The following CPO variants were observed in gnomAD, a reference collection of about 807,000 sequenced individuals.
CPO encodes the protein carboxypeptidase O, also known as metallocarboxypeptidase C.
Under a neutral mutation model 41.2 loss-of-function variants are expected in CPO, and 43 were observed. The observed-to-expected ratio is 1.04, with a 90% CI of 0.82 to 1.35. The LOEUF is 1.35. CPO is among the 40% of genes most tolerant of loss of function. CPO has a pLI of 0.00. For synonymous variants in CPO, 178 were observed against 162.7 expected (o/e 1.09, Z -0.72); for missense variants, 408 against 451.7 (o/e 0.90, Z 0.88).
intron 7 of CPO, among the ~76,000 whole-genome samples, chr2:206,963,887 C>A (rs1693524006): frequency 6.6e-6 from 1 of 152,178 alleles, no homozygotes; most frequent in South Asian, 2.1e-4. Flanking sequence ...CATGGCAATT[C>A]TATTTTTAAT....
rs1213712814 is a variant in CPO, at chr2:206,962,491, T to A, written c.654T>A (p.Val218=). The A allele has an allele frequency of 6.2e-7, 1 of 1,614,086 alleles. No homozygotes were observed. Among genetic ancestry groups the A allele is most frequent in the Non-Finnish European group, 8.5e-7 (1 of 1,179,916 alleles). Residue 218 remains valine, a synonymous_variant, in exon 7 of 9, where the codon GTT becomes GTA. Coordinates refer to ENST00000272852, the MANE Select transcript of CPO (RefSeq NM_173077.3). ...GPVSEPETKA[V]ASFIESKKDD... is the part of the protein sequence containing the mutation. ...TGTCTGAACCAGAGACTAAAGCTGT[T>A]GCCAGCTTCATAGAGAGCAAGAAGG...
Position 206,958,298 on chromosome 2 carries a change from C to A in CPO, c.268-3C>A. On this transcript the variant is annotated splice_region_variant and splice_polypyrimidine_tract_variant and intron_variant, in intron 3 of 8. Coordinates refer to ENST00000272852, the MANE Select transcript of CPO (RefSeq NM_173077.3). ...AGTAATGGGGCATGGATATCTTCTC[C>A]AGATCAGCCAACCATCTGGTAATCC... The A allele has an allele frequency of 6.5e-7, 1 of 1,546,844 alleles. No homozygotes were observed. Among genetic ancestry groups the A allele is most frequent in the Non-Finnish European group, 8.8e-7 (1 of 1,130,330 alleles).
rs1175595077 is a variant in CPO at position 206,960,951 on chromosome 2, A to G, written c.574+9A>G. The G allele has an allele frequency of 6.6e-7, 1 of 1,510,752 alleles. No individual in the cohort carries two copies. The highest frequency in any genetic ancestry group is 1.7e-5 in the Admixed American group (1 of 59,900). 93.6% of individuals were successfully genotyped at this position (1,510,752 alleles called of 1,614,324 possible). A position where few individuals can be genotyped will look rare whatever the true frequency, so the allele number is the denominator to read the frequency against. The stretch of plus-strand genomic sequence containing the variant: ...CAATGCATCTTGGTGTAGTAAGTAC[A>G]TGCTTAGTAGATGAATTATGAACAA... On this transcript the variant is annotated intron_variant, in intron 6 of 8. Coordinates refer to ENST00000272852, the MANE Select transcript of CPO (RefSeq NM_173077.3).
chr2:206,957,105 C>T (rs1436254745), intron 3 of CPO, among the ~76,000 whole-genome samples: 1 of 151,942 alleles, frequency 6.6e-6, no homozygotes, highest in Admixed American at 6.6e-5. Flanking sequence ...TTGGCGGGTG[C>T]GGTGGCTCAT....
At chr2:206,963,539 T>C (rs1392201040) in intron 7 of CPO, among the ~76,000 whole-genome samples, 1 of 152,212 alleles carries the variant, frequency 6.6e-6, no homozygotes, top group Non-Finnish European at 1.5e-5. Context: ...ATCACTCTAC[T>C]GTCTGTTTCT....
chr2:206,965,228 T>C (rs1693549989), intron 7 of CPO, among the ~76,000 whole-genome samples: 1 of 152,192 alleles, frequency 6.6e-6, no homozygotes, highest in South Asian at 2.1e-4. Flanking sequence ...CCAAGACTTT[T>C]CGATAAAAAG....
intron 1 of CPO, among the ~76,000 whole-genome samples, chr2:206,949,076 A>C (rs1406508747): frequency 7.5e-4 from 113 of 150,162 alleles, no homozygotes; most frequent in African/African-American, 1.4e-3. Flanking sequence ...ACCATTGCAA[A>C]AAAAAAAAAA....
chr2:206,951,942 A>C (rs1693272481), intron 2 of CPO, among the ~76,000 whole-genome samples: 1 of 152,188 alleles, frequency 6.6e-6, no homozygotes, highest in East Asian at 1.9e-4. Flanking sequence ...TATAAACATA[A>C]CTACCCATGT....
rs1396962610 is a variant in CPO, at chr2:206,959,687, C to T, written c.429C>T (p.Asp143=). Residue 143 remains aspartate (D), a synonymous_variant, in exon 5 of 9, where the codon GAC becomes GAT. Coordinates refer to ENST00000272852, the MANE Select transcript of CPO (RefSeq NM_173077.3). ...SSIRKLLRNL[D]FYVLPVLNID... Reference sequence around the variant, plus strand: ...TACGCAAGCTCCTTAGGAACCTGGACTTCTATGTCCTTCCAGTTCTTAACA... The same window carrying T: ...TACGCAAGCTCCTTAGGAACCTGGATTTCTATGTCCTTCCAGTTCTTAACA... 2.5e-6 allele frequency: 4 copies of T among 1,580,930 alleles called. No homozygotes were observed. The highest frequency in any genetic ancestry group is 3.5e-6 in the Non-Finnish European group (4 of 1,149,812).
At chr2:206,941,628 G>A (rs890735143) in intron 1 of CPO, among the ~76,000 whole-genome samples, 4 of 152,030 alleles carry the variant, frequency 2.6e-5, no homozygotes, top group African/African-American at 7.2e-5. Context: ...GCACTTGACC[G>A]TGCTTGTCTT....
intron 2 of CPO, among the ~76,000 whole-genome samples, chr2:206,954,841 A>G (rs1377970439): frequency 6.6e-6 from 1 of 152,178 alleles, no homozygotes; most frequent in Non-Finnish European, 1.5e-5. Flanking sequence ...GGCAGCAAGG[A>G]GAAGTGCAGA....
At position 206,968,335 on chromosome 2, in the gene CPO, G is replaced by A. The variant is rs1199542493; in HGVS notation, c.850G>A (p.Ala284Thr). The change falls in exon 8 of 9, where the codon GCA (alanine) becomes ACA (threonine). Residue 284 changes from alanine (A) to threonine (T), a missense_variant. Transcript: ENST00000272852. ...YGTNYRVGSS[A>T]DILYASSGSS... is the part of the protein sequence containing the mutation. ...AACCAATTATAGAGTTGGATCGAGT[G>A]CAGATATTTTATGTAAGTATCTTTT... The A allele has an allele frequency of 1.2e-6, 2 of 1,602,638 alleles. No individual in the cohort carries two copies. Among genetic ancestry groups the A allele is most frequent in the African/African-American group, 2.7e-5 (2 of 74,866 alleles).
At chr2:206,950,073 T>G (rs1438337058) in intron 2 of CPO, among the ~76,000 whole-genome samples, 2 of 152,188 alleles carry the variant, frequency 1.3e-5, no homozygotes, top group African/African-American at 4.8e-5. Flanking sequence ...GGGTGTGAGG[T>G]GGAGAAGCCT....
intron 5 of CPO, among the ~76,000 whole-genome samples, chr2:206,960,170 A>G (rs1693451544): frequency 6.6e-6 from 1 of 152,234 alleles, no homozygotes; most frequent in Admixed American, 6.5e-5. Context: ...ACAGGGGGCA[A>G]ACATCACATA....
In CPO at chr2:206,968,318, A is replaced by C. The variant is rs754052360; in HGVS notation, c.833A>C (p.Tyr278Ser). The C allele has an allele frequency of 1.9e-6, 3 of 1,610,556 alleles. No individual in the cohort carries two copies. The highest frequency in any genetic ancestry group is 2.5e-6 in the Non-Finnish European group (3 of 1,176,932). The part of the protein sequence containing the change: ...NALKAKYGTN[Y>S]RVGSSADILY... Reference sequence around the variant, plus strand: ...TTGAAAGCAAAGTATGGAACCAATTATAGAGTTGGATCGAGTGCAGATATT... The same window carrying C: ...TTGAAAGCAAAGTATGGAACCAATTCTAGAGTTGGATCGAGTGCAGATATT... The change falls in exon 8 of 9, where the codon TAT becomes TCT. Residue 278 changes from tyrosine (Y) to serine (S), a missense_variant. Coordinates refer to ENST00000272852, the MANE Select transcript of CPO (RefSeq NM_173077.3).
At chr2:206,948,707 G>A (rs529305858) in intron 1 of CPO, among the ~76,000 whole-genome samples, 2 of 152,290 alleles carry the variant, frequency 1.3e-5, no homozygotes, top group East Asian at 1.9e-4. Context: ...GCTGCAGTGA[G>A]CTATAATCAT....
intron 4 of CPO, 131 bp downstream of exon 4, chr2:206,958,536 C>A: frequency 6.0e-6 from 3 of 498,574 alleles, no homozygotes. Flanking sequence ...TCCTTCACCT[C>A]AAGTGAAATA....
intron 7 of CPO, among the ~76,000 whole-genome samples, chr2:206,967,416 A>G (rs1233511665): frequency 6.6e-6 from 1 of 151,502 alleles, no homozygotes; most frequent in Non-Finnish European, 1.5e-5. Flanking sequence ...AGGAAAAAGA[A>G]GAGGGGGGTC....
chr2:206,957,469 C>T (rs1693391793), intron 3 of CPO, among the ~76,000 whole-genome samples: 1 of 151,994 alleles, frequency 6.6e-6, no homozygotes, highest in Non-Finnish European at 1.5e-5. Flanking sequence ...GAGAAGATTC[C>T]TTGAATATGA....
Sources: gnomAD v4.1 joint callset for allele counts (sites outside exome capture counted in the v4.1 genomes callset) on GRCh38, gnomAD v4.1.1 for gene constraint, MANE v1.5 for transcripts, NCBI Gene and HGNC (gene_info 2026-07-23, HGNC 2026-07-21) for gene names.